AUTS2: variants seen among roughly 807,000 people sequenced by gnomAD.
The protein encoded by AUTS2 is autism susceptibility gene 2 protein.
Under a neutral mutation model 112.4 loss-of-function variants are expected in AUTS2, and 17 were observed. The ratio of observed to expected loss-of-function variants is 0.15; its 90% confidence interval spans 0.10 to 0.23. The LOEUF (loss-of-function observed/expected upper bound fraction) is 0.23, where lower values mean the gene tolerates loss of function less well. Ranked by LOEUF, AUTS2 falls within the 10% of genes least tolerant of loss-of-function variation. The probability of loss-of-function intolerance (pLI) is 1.00; values close to 1 mark genes in which losing one functional copy is unlikely to be tolerated. For missense variants in AUTS2, 1,510 were observed against 1,701.6 expected (o/e 0.89, Z 1.98); for synonymous variants, 751 against 702.7 (o/e 1.07, Z -1.09).
chr7:69,991,349 T>C (rs1798735209), intron 2 of AUTS2, among the ~76,000 whole-genome samples: 2 of 152,188 alleles, frequency 1.3e-5, no homozygotes, highest in Non-Finnish European at 1.5e-5. Context: ...AATTGGACAT[T>C]TCGTTCATCC....
At chr7:70,515,133 C>CAGG (rs1325498501) in intron 5 of AUTS2, among the ~76,000 whole-genome samples, 2 of 152,034 alleles carry the variant, frequency 1.3e-5, no homozygotes, top group Non-Finnish European at 2.9e-5. Context: ...TAGAGTCATG[C>CAGG]AGGTGATGCT....
intron 2 of AUTS2, among the ~76,000 whole-genome samples, chr7:70,010,476 A>T (rs1223380051): frequency 6.6e-6 from 1 of 152,160 alleles, no homozygotes; most frequent in East Asian, 1.9e-4. Flanking sequence ...ATACTTCACC[A>T]TATTCTCTTT....
intron 2 of AUTS2, among the ~76,000 whole-genome samples, chr7:70,001,467 G>C (rs888919885): frequency 6.6e-6 from 1 of 151,914 alleles, no homozygotes; most frequent in African/African-American, 2.4e-5. Flanking sequence ...GTAGGGAAAG[G>C]TGATTATTGC....
chr7:69,931,361 C>G (rs918539158), intron 2 of AUTS2, among the ~76,000 whole-genome samples: 1 of 152,210 alleles, frequency 6.6e-6, no homozygotes, highest in Admixed American at 6.5e-5. Context: ...TTAACTGTCT[C>G]TACATTACAG....
chr7:69,758,121 G>A (rs941686238), intron 1 of AUTS2, among the ~76,000 whole-genome samples: 9 of 152,196 alleles, frequency 5.9e-5, no homozygotes. Context: ...AATTAGTTCT[G>A]CTGTAATCAT....
chr7:69,767,853 C>A (rs992070043), intron 1 of AUTS2, among the ~76,000 whole-genome samples: 3 of 152,214 alleles, frequency 2.0e-5, no homozygotes, highest in Non-Finnish European at 4.4e-5. Flanking sequence ...TTATTGTCTG[C>A]AGCATCCAGG....
intron 2 of AUTS2, among the ~76,000 whole-genome samples, chr7:70,115,386 G>A (rs949159993): frequency 2.6e-5 from 4 of 152,124 alleles, no homozygotes; most frequent in African/African-American, 9.7e-5. Context: ...TGTTTTCTGG[G>A]CTGGTCTCGA....
chr7:70,709,857 A>G (rs1809954745), intron 6 of AUTS2, among the ~76,000 whole-genome samples: 1 of 152,226 alleles, frequency 6.6e-6, no homozygotes, highest in South Asian at 2.1e-4. Flanking sequence ...CCAGGACTTC[A>G]GTCCTGAACT....
intron 4 of AUTS2, among the ~76,000 whole-genome samples, chr7:70,255,297 C>A (rs1291013560): frequency 2.6e-5 from 4 of 152,088 alleles, no homozygotes; most frequent in Admixed American, 6.5e-5. Flanking sequence ...TGGTCTCGAA[C>A]TCCTGACCTC....
chr7:69,986,586 T>C (rs927323756), intron 2 of AUTS2, among the ~76,000 whole-genome samples: 4 of 152,232 alleles, frequency 2.6e-5, no homozygotes, highest in Admixed American at 6.5e-5. Flanking sequence ...CCAGTATTCC[T>C]GAGGGTCTTC....
chr7:69,906,554 T>A (rs977467318), intron 2 of AUTS2, among the ~76,000 whole-genome samples: 1 of 152,194 alleles, frequency 6.6e-6, no homozygotes, highest in African/African-American at 2.4e-5. Context: ...TTCGGTGACA[T>A]CTGAATGCTC....
intron 1 of AUTS2, among the ~76,000 whole-genome samples, chr7:69,820,114 T>C (rs1272637015): frequency 1.3e-5 from 2 of 152,184 alleles, no homozygotes; most frequent in Non-Finnish European, 2.9e-5. Flanking sequence ...GGGAGTCATA[T>C]ACATGCAGGA....
Position 70,765,717 on chromosome 7 carries a change from C to T in AUTS2, c.1469-397C>T, listed in dbSNP as rs191927061. On this transcript the variant is annotated intron_variant, in intron 8 of 18. Transcript: ENST00000342771. ...ACTTAAACGTGCAAATTGCTTTAAC[C>T]CTCAAAAATCAAACCCATGAGTTAG... Among the ~76,000 whole-genome samples the T allele has an allele frequency of 2.0e-5, 3 of 152,260 alleles. No homozygotes were observed. In the East Asian group the frequency reaches 5.8e-4, roughly 29 times the overall value.
At chr7:69,843,019 G>A (rs183118623) in intron 1 of AUTS2, among the ~76,000 whole-genome samples, 3 of 152,142 alleles carry the variant, frequency 2.0e-5, no homozygotes, top group Non-Finnish European at 4.4e-5. Context: ...TGTGCCAGGT[G>A]GGGGCAGGAT....
intron 4 of AUTS2, among the ~76,000 whole-genome samples, chr7:70,317,774 G>T (rs575226371): frequency 7.7e-4 from 117 of 152,210 alleles, no homozygotes; most frequent in Non-Finnish European, 1.4e-3. Context: ...TTGCATGCTG[G>T]TTAGAGGAGA....
intron 2 of AUTS2, among the ~76,000 whole-genome samples, chr7:70,109,039 T>C (rs549728338): frequency 2.4e-4 from 37 of 152,268 alleles, no homozygotes; most frequent in African/African-American, 8.4e-4. Flanking sequence ...AGACCTTCAG[T>C]TGGACACTTT....
intron 4 of AUTS2, among the ~76,000 whole-genome samples, chr7:70,289,081 TA>T (rs1189747510): frequency 6.6e-6 from 1 of 152,188 alleles, no homozygotes; most frequent in Non-Finnish European, 1.5e-5. Context: ...ACATGAAAAT[TA>T]ACCAGACTCA....
chr7:69,700,481 G>A (rs1228817251), intron 1 of AUTS2, among the ~76,000 whole-genome samples: 9 of 151,822 alleles, frequency 5.9e-5, no homozygotes, highest in Non-Finnish European at 1.5e-5. Flanking sequence ...CTGGAATTCT[G>A]TGGCTTGTCA....
At chr7:70,611,185 C>T (rs1470367067) in intron 5 of AUTS2, among the ~76,000 whole-genome samples, 3 of 152,156 alleles carry the variant, frequency 2.0e-5, no homozygotes, top group African/African-American at 7.2e-5. Flanking sequence ...TTCCTCTGCA[C>T]GTAGGTATGC....
Sources: gnomAD v4.1 joint callset for allele counts (sites outside exome capture counted in the v4.1 genomes callset) on GRCh38, gnomAD v4.1.1 for gene constraint, MANE v1.5 for transcripts, NCBI Gene and HGNC (gene_info 2026-07-23, HGNC 2026-07-21) for gene names.